ABCA4: variants seen among roughly 807,000 people sequenced by gnomAD.
ABCA4 encodes the protein retinal-specific phospholipid-transporting ATPase ABCA4.
In ABCA4, 196 loss-of-function variants were observed where a neutral mutation model predicts 263.7. That is an observed-to-expected ratio of 0.74 (90% CI 0.66 to 0.84). ABCA4 has a LOEUF of 0.84. Ranked by LOEUF, ABCA4 falls within the 40% of genes least tolerant of loss-of-function variation. ABCA4 has a pLI of 0.00. For missense variants in ABCA4, 2,792 were observed against 2,855.1 expected (o/e 0.98, Z 0.50); for synonymous variants, 1,133 against 1,094.2 (o/e 1.04, Z -0.70).
At chr1:94,050,154 GTTC>G (rs1453004902) in intron 17 of ABCA4, among the ~76,000 whole-genome samples, 3 of 152,226 alleles carry the variant, frequency 2.0e-5, no homozygotes, top group Non-Finnish European at 4.4e-5. Context: ...CTCTAGTACT[GTTC>G]TTCTATTTCT....
chr1:94,065,816 G>A (rs940879153), intron 11 of ABCA4, among the ~76,000 whole-genome samples: 3 of 152,126 alleles, frequency 2.0e-5, no homozygotes, highest in Non-Finnish European at 4.4e-5. Context: ...GTATTTCTTT[G>A]GGCCCAGGCT....
At chr1:93,993,951 A>G (rs1348222869) in intron 49 of ABCA4, among the ~76,000 whole-genome samples, 3 of 152,154 alleles carry the variant, frequency 2.0e-5, no homozygotes, top group African/African-American at 7.2e-5. Context: ...GGTTTATCCC[A>G]TTATCTGATT....
At chr1:94,024,556 TTC>T (rs1395175455) in intron 31 of ABCA4, among the ~76,000 whole-genome samples, 1 of 152,194 alleles carries the variant, frequency 6.6e-6, no homozygotes, top group Non-Finnish European at 1.5e-5. Context: ...CTTACTTATT[TTC>T]TCTTTTTCTT....
chr1:94,089,179 C>T (rs1409229715), intron 6 of ABCA4, among the ~76,000 whole-genome samples: 1 of 152,172 alleles, frequency 6.6e-6, no homozygotes, highest in African/African-American at 2.4e-5. Context: ...GTATAGTTTT[C>T]TAAAAGCTCC....
intron 35 of ABCA4, 86 bp from the exon 36 acceptor site, chr1:94,019,845 G>A: frequency 6.8e-7 from 1 of 1,467,548 alleles, no homozygotes; most frequent in African/African-American, 1.4e-5. Context: ...GCTTTGGGAA[G>A]GCCTTACACC....
At chr1:94,024,029 G>A (rs1373254516) in intron 31 of ABCA4, among the ~76,000 whole-genome samples, 1 of 152,194 alleles carries the variant, frequency 6.6e-6, no homozygotes, top group African/African-American at 2.4e-5. Flanking sequence ...GTTTGGGATG[G>A]TTGCTGTTTA....
rs11806129 is a variant in ABCA4, at chr1:94,016,821, A to T, written c.5197-967T>A. ...TGCTCCAGAGGCAATGAACATATCT[A>T]GCACTCAGACCTTGGCTTCTGAGGG... On this transcript the variant is annotated intron_variant, in intron 36 of 49. Coordinates refer to ENST00000370225, the MANE Select transcript of ABCA4 (RefSeq NM_000350.3). Among the ~76,000 whole-genome samples, 13 of 152,308 alleles carry T rather than the reference A, an allele frequency of 8.5e-5. No homozygotes were observed. In the East Asian group the frequency reaches 2.5e-3, roughly 29 times the overall value.
chr1:94,118,319 C>T (rs531017905), intron 1 of ABCA4, among the ~76,000 whole-genome samples: 283 of 152,276 alleles, frequency 1.9e-3, no homozygotes, highest in Non-Finnish European at 3.2e-3. Flanking sequence ...AGATTTTCAT[C>T]TTATGCCCTT....
chr1:94,051,936 G>C (rs1436502126), intron 16 of ABCA4, among the ~76,000 whole-genome samples: 2 of 152,126 alleles, frequency 1.3e-5, no homozygotes, highest in African/African-American at 4.8e-5. Flanking sequence ...CAATAATCTT[G>C]GTTGACATCA....
chr1:94,111,830 G>A (rs777521503), intron 2 of ABCA4, among the ~76,000 whole-genome samples: 3 of 152,228 alleles, frequency 2.0e-5, no homozygotes, highest in Non-Finnish European at 4.4e-5. Context: ...GGGTGGAAAT[G>A]TGAAGGGGAA....
chr1:94,078,754 TGA>T, intron 9 of ABCA4, 48 bp from the exon 10 acceptor site: 1 of 1,351,474 alleles, frequency 7.4e-7, no homozygotes. Flanking sequence ...GAGAGAAAAG[TGA>T]GAGAGAACTT....
Position 94,056,747 on chromosome 1 carries a change from T to C in ABCA4, c.2236A>G (p.Met746Val), listed in dbSNP as rs1293462383. ...FLLAFSTATI[M>V]LCFLLSTFFS... ...AAGGTGCTGAGCAGAAAGCACAGCATGATGGTGGCAGTGGAGAAAGCCAAC... is the reference window on the plus strand; with the variant it reads ...AAGGTGCTGAGCAGAAAGCACAGCACGATGGTGGCAGTGGAGAAAGCCAAC... Residue 746 changes from methionine (M) to valine (V), a missense_variant, in exon 15 of 50, where the codon ATG becomes GTG. By Grantham distance (21) the Met-to-Val change is conservative. Transcript: ENST00000370225. 1 of 1,613,752 alleles carries C rather than the reference T, an allele frequency of 6.2e-7. No homozygotes were observed. Among genetic ancestry groups the C allele is most frequent in the Non-Finnish European group, 8.5e-7 (1 of 1,179,882 alleles).
At chr1:94,011,151 G>T in intron 39 of ABCA4, 111 bp downstream of exon 39, 2 of 1,588,646 alleles carry the variant, frequency 1.3e-6, no homozygotes, top group South Asian at 2.2e-5. Flanking sequence ...AGCCCAACAA[G>T]GTCCCCTCCT....
chr1:93,993,039 A>G lies in ABCA4; in HGVS notation c.*198T>C. Reference sequence around the variant, plus strand: ...GTTTGGTTTCACCATCAGGTGTTCCAGGTGAGCAAGTCAGTTTCGGTTTCC... The same window carrying G: ...GTTTGGTTTCACCATCAGGTGTTCCGGGTGAGCAAGTCAGTTTCGGTTTCC... On this transcript the variant is annotated 3_prime_UTR_variant, in exon 50 of 50. Transcript: ENST00000370225. 1.5e-6 allele frequency: 1 copy of G among 654,656 alleles called. No homozygotes were observed. The highest frequency in any genetic ancestry group is 2.6e-6 in the Non-Finnish European group (1 of 380,906). 40.6% of individuals were successfully genotyped at this position (654,656 alleles called of 1,614,324 possible).
chr1:94,001,685 G>T, intron 45 of ABCA4, 173 bp downstream of exon 45: 1 of 941,970 alleles, frequency 1.1e-6, no homozygotes, highest in Non-Finnish European at 1.7e-6. Context: ...TTTCTCCGGA[G>T]CTGTGTGAAC....
chr1:94,031,749 C>G (rs1319372941), intron 27 of ABCA4, 29 bp downstream of exon 27: 1 of 1,612,634 alleles, frequency 6.2e-7, no homozygotes, highest in Non-Finnish European at 8.5e-7. Context: ...AGCCACTGAG[C>G]TCAGCTAAAC....
chr1:94,067,105 T>C (rs1029739117), intron 11 of ABCA4, among the ~76,000 whole-genome samples: 5 of 152,206 alleles, frequency 3.3e-5, no homozygotes, highest in African/African-American at 4.8e-5. Flanking sequence ...CTGAGTTGAG[T>C]TGATTTGTGT....
intron 1 of ABCA4, 80 bp downstream of exon 1, chr1:94,120,899 TA>T: frequency 1.5e-5 from 2 of 136,408 alleles, no homozygotes; most frequent in South Asian, 4.3e-5. Flanking sequence ...CCCACCACCC[TA>T]CCCCACCACC....
intron 49 of ABCA4, among the ~76,000 whole-genome samples, chr1:93,995,446 G>A (rs559719990): frequency 2.6e-4 from 40 of 152,314 alleles, no homozygotes; most frequent in Middle Eastern, 3.4e-3. Context: ...GCCTCCTCCA[G>A]TACTTGCTCT....
Sources: allele counts gnomAD v4.1 joint callset (sites outside exome capture counted in the v4.1 genomes callset), GRCh38; gene constraint gnomAD v4.1.1; transcripts MANE v1.5; gene names NCBI Gene and HGNC (gene_info 2026-07-23, HGNC 2026-07-21).